The following CSMD1 variants were observed in gnomAD, a reference collection of about 807,000 sequenced individuals.
CSMD1 encodes the protein CUB and Sushi multiple domains 1.
A neutral mutation model predicts 417.5 loss-of-function variants in CSMD1; 213 were observed. That is an observed-to-expected ratio of 0.51 (90% CI 0.46 to 0.57). The LOEUF is 0.57. Ranked by LOEUF, CSMD1 falls within the 20% of genes least tolerant of loss-of-function variation. CSMD1 has a pLI of 0.00. For synonymous variants in CSMD1, 2,862 were observed against 1,736.8 expected (o/e 1.65, Z -16.11); for missense variants, 6,923 against 4,529.7 (o/e 1.53, Z -15.17).
chr8:4,612,668 G>C (rs1345714214), intron 2 of CSMD1, among the ~76,000 whole-genome samples: 1 of 152,124 alleles, frequency 6.6e-6, no homozygotes. Context: ...CTACTCAACT[G>C]CCACCCAAAC....
At chr8:4,304,829 G>C (rs187369338) in intron 3 of CSMD1, among the ~76,000 whole-genome samples, 9 of 152,270 alleles carry the variant, frequency 5.9e-5, no homozygotes, top group East Asian at 3.9e-4. Flanking sequence ...GAAAACCACT[G>C]AACTTTTGTC....
At chr8:4,354,400 G>A (rs973321055) in intron 3 of CSMD1, among the ~76,000 whole-genome samples, 4 of 152,212 alleles carry the variant, frequency 2.6e-5, no homozygotes, top group South Asian at 2.1e-4. Flanking sequence ...AAAATACACC[G>A]TTCCCCAACA....
At chr8:4,188,514 G>C (rs1353146372) in intron 3 of CSMD1, among the ~76,000 whole-genome samples, 1 of 152,114 alleles carries the variant, frequency 6.6e-6, no homozygotes, top group African/African-American at 2.4e-5. Context: ...AAGATGACTT[G>C]CAAATAGTTT....
Position 3,190,135 on chromosome 8 carries a change from C to A in CSMD1, c.5195-20G>T, listed in dbSNP as rs1425299895. The A allele has an allele frequency of 6.4e-7, 1 of 1,558,372 alleles. No homozygotes were observed. Among genetic ancestry groups the A allele is most frequent in the African/African-American group, 1.4e-5 (1 of 73,664 alleles). On this transcript the variant is annotated intron_variant, in intron 33 of 69. Coordinates refer to ENST00000635120, the MANE Select transcript of CSMD1 (RefSeq NM_033225.6). ...GAACAGCTAGAAGCAAAGTACAGAA[C>A]ACAGCCGTCTGTATCTCCATCAGCA...
intron 5 of CSMD1, among the ~76,000 whole-genome samples, chr8:3,818,606 G>T (rs1341414737): frequency 6.6e-6 from 1 of 152,062 alleles, no homozygotes; most frequent in Non-Finnish European, 1.5e-5. Flanking sequence ...CTAGAAAAGG[G>T]AGAAACAGGG....
intron 3 of CSMD1, among the ~76,000 whole-genome samples, chr8:4,170,958 C>G (rs1432489590): frequency 1.3e-5 from 2 of 151,798 alleles, no homozygotes; most frequent in Non-Finnish European, 2.9e-5. Flanking sequence ...TGTCATTATC[C>G]CAGGGCTGCA....
At chr8:2,967,296 G>A (rs771506580) in intron 57 of CSMD1, among the ~76,000 whole-genome samples, 6 of 152,182 alleles carry the variant, frequency 3.9e-5, no homozygotes, top group Non-Finnish European at 7.4e-5. Flanking sequence ...GTAAAATGGT[G>A]TCCTCAATAA....
At chr8:3,209,970 T>A (rs558291618) in intron 30 of CSMD1, among the ~76,000 whole-genome samples, 338 of 152,256 alleles carry the variant, frequency 2.2e-3, no homozygotes, top group African/African-American at 8.0e-3. Flanking sequence ...TCAATTTCAG[T>A]TACAATTCTA....
chr8:4,157,659 C>G (rs915414103), intron 3 of CSMD1, among the ~76,000 whole-genome samples: 1 of 152,222 alleles, frequency 6.6e-6, no homozygotes, highest in Admixed American at 6.5e-5. Flanking sequence ...GTTATCTGGG[C>G]ATGGGGTGAG....
intron 3 of CSMD1, among the ~76,000 whole-genome samples, chr8:4,172,401 G>A (rs768669042): frequency 6.6e-6 from 1 of 152,012 alleles, no homozygotes; most frequent in Non-Finnish European, 1.5e-5. Context: ...AATAGCCAGT[G>A]GGTCTCATGG....
intron 5 of CSMD1, among the ~76,000 whole-genome samples, chr8:3,985,144 G>T (rs1381898088): frequency 6.6e-6 from 1 of 151,984 alleles, no homozygotes; most frequent in African/African-American, 2.4e-5. Flanking sequence ...TTCAGGAGAG[G>T]GTGTGATGGA....
chr8:3,342,340 A>G (rs934876497), intron 23 of CSMD1, among the ~76,000 whole-genome samples: 3 of 152,194 alleles, frequency 2.0e-5, no homozygotes, highest in Non-Finnish European at 4.4e-5. Flanking sequence ...TATCCATCAA[A>G]TAAAGGTATC....
At chr8:4,018,537 C>T (rs964090296) in intron 4 of CSMD1, among the ~76,000 whole-genome samples, 4 of 152,164 alleles carry the variant, frequency 2.6e-5, no homozygotes, top group Admixed American at 6.5e-5. Flanking sequence ...TCTCTGGGAC[C>T]AGCCAGTTAC....
chr8:4,132,239 T>C (rs7842031), intron 3 of CSMD1, among the ~76,000 whole-genome samples: 4,096 of 144,500 alleles, frequency 0.028, 214 homozygotes, highest in African/African-American at 0.1. Flanking sequence ...TACCCCTTTC[T>C]AACATCTAGC....
intron 2 of CSMD1, among the ~76,000 whole-genome samples, chr8:4,459,437 C>T (rs1343737235): frequency 1.3e-5 from 2 of 152,150 alleles, no homozygotes; most frequent in East Asian, 3.9e-4. Context: ...GAAGCAGTGG[C>T]TCAGAGATTT....
At chr8:4,375,251 G>A (rs77191771) in intron 3 of CSMD1, among the ~76,000 whole-genome samples, 1 of 152,128 alleles carries the variant, frequency 6.6e-6, no homozygotes, top group African/African-American at 2.4e-5. Context: ...CATAAAACAT[G>A]CAGTTGTCCA....
chr8:4,265,274 G>A (rs978787680), intron 3 of CSMD1, among the ~76,000 whole-genome samples: 3 of 151,906 alleles, frequency 2.0e-5, no homozygotes, highest in South Asian at 2.1e-4. Context: ...AGCAAACAAG[G>A]ATAATTACTA....
intron 9 of CSMD1, among the ~76,000 whole-genome samples, chr8:3,583,625 A>C (rs1411528407): frequency 6.6e-6 from 1 of 151,966 alleles, no homozygotes; most frequent in Non-Finnish European, 1.5e-5. Context: ...GAAAGACATA[A>C]ACTGAGGGGA....
At chr8:3,664,988 G>C (rs1230606955) in intron 7 of CSMD1, among the ~76,000 whole-genome samples, 1 of 151,822 alleles carries the variant, frequency 6.6e-6, no homozygotes, top group Non-Finnish European at 1.5e-5. Flanking sequence ...TATTTTATAT[G>C]TATATTTGAT....
Sources: gnomAD v4.1 joint callset for allele counts (sites outside exome capture counted in the v4.1 genomes callset) on GRCh38, gnomAD v4.1.1 for gene constraint, MANE v1.5 for transcripts, NCBI Gene and HGNC (gene_info 2026-07-23, HGNC 2026-07-21) for gene names.